Variants in ROBO2 observed in about 807,000 individuals in gnomAD.
The protein encoded by ROBO2 is roundabout guidance receptor 2, also known as roundabout homolog 2.
ROBO2 carries 53 observed loss-of-function variants against 160.8 expected under a neutral mutation model. The ratio of observed to expected loss-of-function variants is 0.33; its 90% CI spans 0.26 to 0.41. ROBO2 has a LOEUF of 0.41. Among genes scored for constraint, ROBO2 ranks in the 10% least tolerant of loss-of-function variants. The probability of loss-of-function intolerance (pLI) is 1.00; values close to 1 mark genes in which losing one functional copy is unlikely to be tolerated. For missense variants in ROBO2, 1,577 were observed against 1,722.4 expected, an observed-to-expected ratio of 0.92 and a Z score of 1.49; for synonymous variants, 664 against 611.7, an observed-to-expected ratio of 1.09 and a Z score of -1.26.
At chr3:77,599,903 C>T (rs1487365616) in intron 19 of ROBO2, among the ~76,000 whole-genome samples, 6 of 152,028 alleles carry the variant, frequency 3.9e-5, no homozygotes, top group Admixed American at 1.3e-4. Flanking sequence ...CAAATGACTT[C>T]GTGATACAGT....
intron 2 of ROBO2, among the ~76,000 whole-genome samples, chr3:75,983,803 T>C (rs1456695569): frequency 6.6e-6 from 1 of 151,272 alleles, no homozygotes; most frequent in South Asian, 2.1e-4. Context: ...ATCAGTAGAG[T>C]TGGCATGACA....
intron 2 of ROBO2, among the ~76,000 whole-genome samples, chr3:76,719,718 G>A (rs900291289): frequency 2.0e-5 from 3 of 151,578 alleles, no homozygotes; most frequent in Non-Finnish European, 4.4e-5. Flanking sequence ...ACCCTGTCTC[G>A]ACTAAAAATA....
chr3:76,395,099 A>G (rs2077362899), intron 2 of ROBO2, among the ~76,000 whole-genome samples: 1 of 152,254 alleles, frequency 6.6e-6, no homozygotes, highest in Middle Eastern at 3.4e-3. Context: ...CAGCAAATGT[A>G]AAAGAATAGA....
intron 2 of ROBO2, among the ~76,000 whole-genome samples, chr3:77,236,975 G>A (rs1216035163): frequency 2.0e-5 from 3 of 152,120 alleles, no homozygotes; most frequent in Non-Finnish European, 4.4e-5. Flanking sequence ...CTGGGCTCAA[G>A]CAATCCCCCA....
At chr3:77,418,579 T>TACAC (rs2077449380) in intron 2 of ROBO2, among the ~76,000 whole-genome samples, 3 of 152,190 alleles carry the variant, frequency 2.0e-5, no homozygotes, top group Non-Finnish European at 4.4e-5. Context: ...CCAAATCTCT[T>TACAC]TAAGAGCCAC....
At chr3:77,525,423 T>TA (rs1352468891) in intron 6 of ROBO2, among the ~76,000 whole-genome samples, 47 of 55,184 alleles carry the variant, frequency 8.5e-4, no homozygotes, top group African/African-American at 5.8e-3. Flanking sequence ...AAAATATGCT[T>TA]TAAAAAAAAA....
At chr3:75,920,815 A>G (rs948769664) in intron 1 of ROBO2, among the ~76,000 whole-genome samples, 4 of 151,492 alleles carry the variant, frequency 2.6e-5, no homozygotes, top group African/African-American at 7.3e-5. Context: ...TTGTTGGTTC[A>G]AAGTCTGTTT....
intron 2 of ROBO2, among the ~76,000 whole-genome samples, chr3:76,649,763 A>C (rs1304647624): frequency 6.6e-6 from 1 of 152,164 alleles, no homozygotes; most frequent in Non-Finnish European, 1.5e-5. Context: ...GAACAGTTGG[A>C]TATGAATAGG....
intron 2 of ROBO2, among the ~76,000 whole-genome samples, chr3:77,165,163 G>A (rs983323590): frequency 5.9e-5 from 9 of 151,480 alleles, no homozygotes; most frequent in Non-Finnish European, 8.9e-5. Flanking sequence ...GATGGTTGCC[G>A]TGTCTGTGTG....
rs565912083 is a variant in ROBO2 at position 76,243,330 on chromosome 3, C to T, written c.109+305728C>T. ...TGCACCCTGTCCCCCAAAGCCCTGC[C>T]GTAACTCCCTCAGGGAATGGAGGGT... On this transcript the variant is annotated intron_variant, in intron 2 of 26. Coordinates refer to the ROBO2 transcript ENST00000487694. 5.9e-5 allele frequency among the ~76,000 whole-genome samples: 9 copies of T among 152,174 alleles called. No individual in the cohort carries two copies. The South Asian group carries it at 1.9e-3, about 32-fold the overall frequency.
intron 2 of ROBO2, among the ~76,000 whole-genome samples, chr3:76,981,492 A>G (rs954526582): frequency 3.4e-4 from 51 of 152,178 alleles, no homozygotes; most frequent in Admixed American, 3.3e-3. Flanking sequence ...TTGGAGGTAT[A>G]TCTCTTCTGA....
At chr3:76,741,824 T>G (rs1221397182) in intron 2 of ROBO2, among the ~76,000 whole-genome samples, 1 of 152,064 alleles carries the variant, frequency 6.6e-6, no homozygotes, top group African/African-American at 2.4e-5. Context: ...AGAATGGCAT[T>G]GTGTTTCTCT....
intron 2 of ROBO2, among the ~76,000 whole-genome samples, chr3:76,056,713 A>G (rs1375090247): frequency 6.6e-6 from 1 of 152,220 alleles, no homozygotes; most frequent in Non-Finnish European, 1.5e-5. Flanking sequence ...GCAGATGTTT[A>G]TGGTAATTTA....
intron 2 of ROBO2, among the ~76,000 whole-genome samples, chr3:77,111,424 A>T (rs2073563773): frequency 6.6e-6 from 1 of 152,166 alleles, no homozygotes; most frequent in African/African-American, 2.4e-5. Context: ...AATATACATA[A>T]AAATGAATTT....
intron 2 of ROBO2, among the ~76,000 whole-genome samples, chr3:76,153,539 C>T (rs1396381906): frequency 6.6e-6 from 1 of 152,074 alleles, no homozygotes; most frequent in African/African-American, 2.4e-5. Context: ...CAAAATTTAT[C>T]CTGGATGGTC....
At chr3:77,074,022 G>A (rs1401288507) in intron 1 of ROBO2, among the ~76,000 whole-genome samples, 2 of 152,188 alleles carry the variant, frequency 1.3e-5, no homozygotes, top group African/African-American at 4.8e-5. Flanking sequence ...TAATAGAAAC[G>A]TGGAAGTGTT....
At chr3:77,490,049 G>T (rs947271262) in intron 4 of ROBO2, among the ~76,000 whole-genome samples, 2 of 151,160 alleles carry the variant, frequency 1.3e-5, no homozygotes, top group Non-Finnish European at 2.9e-5. Context: ...TTTTAATGTC[G>T]GCATGCCCGT....
At chr3:76,249,703 G>A (rs905150730) in intron 2 of ROBO2, among the ~76,000 whole-genome samples, 2 of 152,102 alleles carry the variant, frequency 1.3e-5, no homozygotes, top group South Asian at 4.2e-4. Context: ...TATATTATTT[G>A]CAAGAAAGCC....
chr3:76,437,566 T>C (rs554105906), intron 2 of ROBO2, among the ~76,000 whole-genome samples: 12 of 152,332 alleles, frequency 7.9e-5, no homozygotes, highest in African/African-American at 2.9e-4. Context: ...AGTGTTCTTC[T>C]GAATTCTGAA....
Sources: gnomAD v4.1 joint callset for allele counts (sites outside exome capture counted in the v4.1 genomes callset) on GRCh38, gnomAD v4.1.1 for gene constraint, MANE v1.5 for transcripts, NCBI Gene and HGNC (gene_info 2026-07-23, HGNC 2026-07-21) for gene names.